The following DMGDH variants were observed in gnomAD, a reference collection of about 807,000 sequenced individuals.
The protein encoded by DMGDH is dimethylglycine dehydrogenase, also known as dimethylglycine dehydrogenase, mitochondrial.
DMGDH carries 76 observed loss-of-function variants against 95.2 expected under a neutral mutation model. The observed-to-expected ratio is 0.80, with a 90% CI of 0.66 to 0.97. DMGDH has a LOEUF of 0.97. Ranked by LOEUF, DMGDH falls within the 50% of genes least tolerant of loss-of-function variation. The pLI is 0.00. For missense variants in DMGDH, 987 were observed against 1,055.0 expected (o/e 0.94, Z 0.89); for synonymous variants, 345 against 377.6 (o/e 0.91, Z 1.00).
chr5:79,021,480 G>C, intron 14 of DMGDH: 1 of 1,247,882 alleles, frequency 8.0e-7, no homozygotes, highest in Non-Finnish European at 1.0e-6. Flanking sequence ...AAGGAGGCTG[G>C]AACAACTCCA....
intron 14 of DMGDH, among the ~76,000 whole-genome samples, chr5:79,016,704 A>G (rs1002813201): frequency 6.6e-6 from 1 of 152,210 alleles, no homozygotes; most frequent in African/African-American, 2.4e-5. Context: ...TGACAAGCTG[A>G]TTCTAAAATT....
chr5:79,067,126 G>A (rs1755403830), intron 1 of DMGDH, among the ~76,000 whole-genome samples: 1 of 152,186 alleles, frequency 6.6e-6, no homozygotes, highest in Admixed American at 6.5e-5. Context: ...TTGGCCAGCA[G>A]GAGGTTCTTT....
intron 4 of DMGDH, 122 bp from the exon 5 acceptor site, chr5:79,051,613 G>T: frequency 1.1e-6 from 1 of 921,538 alleles, no homozygotes; most frequent in Non-Finnish European, 1.7e-6. Context: ...GATCTGGAAA[G>T]TGACTGGGTC....
chr5:79,036,697 A>G (rs79976219), intron 7 of DMGDH, among the ~76,000 whole-genome samples: 3,048 of 152,280 alleles, frequency 0.02, 94 homozygotes, highest in African/African-American at 0.069. Context: ...AGAATTACAG[A>G]TATTATTATA....
intron 2 of DMGDH, among the ~76,000 whole-genome samples, chr5:79,059,456 A>G (rs767792789): frequency 4.6e-5 from 7 of 152,252 alleles, no homozygotes; most frequent in Non-Finnish European, 1.0e-4. Context: ...ACATTTGACT[A>G]TGACATTTCA....
intron 9 of DMGDH, 143 bp downstream of exon 9, chr5:79,032,544 A>C: frequency 5.0e-6 from 6 of 1,188,838 alleles, no homozygotes; most frequent in Non-Finnish European, 6.2e-6. Flanking sequence ...CACCACTGCC[A>C]GAGAGTAATT....
intron 7 of DMGDH, among the ~76,000 whole-genome samples, chr5:79,034,786 G>A (rs1253249092): frequency 6.6e-6 from 1 of 152,108 alleles, no homozygotes; most frequent in African/African-American, 2.4e-5. Flanking sequence ...GGCCGGGCGC[G>A]ATGTCTCACG....
intron 7 of DMGDH, among the ~76,000 whole-genome samples, chr5:79,038,331 A>G (rs1037405732): frequency 1.3e-5 from 2 of 152,116 alleles, no homozygotes; most frequent in Non-Finnish European, 1.5e-5. Flanking sequence ...TAAAAATACA[A>G]AAATTATCCA....
chr5:79,011,586 G>T (rs926876134), intron 14 of DMGDH, among the ~76,000 whole-genome samples: 1 of 152,216 alleles, frequency 6.6e-6, no homozygotes, highest in African/African-American at 2.4e-5. Context: ...AAAGAAAAGA[G>T]ATTTAATTGG....
At chr5:79,058,621 T>A (rs542708740) in intron 2 of DMGDH, among the ~76,000 whole-genome samples, 3 of 152,222 alleles carry the variant, frequency 2.0e-5, no homozygotes, top group African/African-American at 7.2e-5. Context: ...AGTTTAGCTG[T>A]CGTTTGGAAA....
intron 11 of DMGDH, among the ~76,000 whole-genome samples, chr5:79,029,277 TA>T (rs1185797980): frequency 1.3e-5 from 2 of 152,218 alleles, no homozygotes; most frequent in African/African-American, 4.8e-5. Flanking sequence ...TTGGAGCATA[TA>T]ATTTGCATCA....
At chr5:79,030,463 A>G (rs1423532438) in intron 10 of DMGDH, 1 of 265,100 alleles carries the variant, frequency 3.8e-6, no homozygotes, top group Non-Finnish European at 7.3e-6. Flanking sequence ...ACCAACATAT[A>G]GTGAAACCCT....
At chr5:79,032,957 A>G in intron 8 of DMGDH, 117 bp from the exon 9 acceptor site, 1 of 1,201,428 alleles carries the variant, frequency 8.3e-7, no homozygotes, top group Non-Finnish European at 1.2e-6. Flanking sequence ...ACATACATAC[A>G]TACATATATA....
intron 2 of DMGDH, among the ~76,000 whole-genome samples, chr5:79,056,577 G>A (rs747436109): frequency 1.3e-5 from 2 of 150,084 alleles, no homozygotes; most frequent in Non-Finnish European, 3.0e-5. Context: ...GGGGAGGCCA[G>A]GCGTGGTGGC....
At chr5:79,024,905 T>C (rs1753957759) in intron 13 of DMGDH, among the ~76,000 whole-genome samples, 1 of 152,240 alleles carries the variant, frequency 6.6e-6, no homozygotes, top group South Asian at 2.1e-4. Flanking sequence ...TTTTGTTTCT[T>C]TCTTCGTTTT....
chr5:79,030,414 G>A, intron 10 of DMGDH: 1 of 249,360 alleles, frequency 4.0e-6, no homozygotes, highest in Non-Finnish European at 7.8e-6. Context: ...CACTTTGGGA[G>A]GCTGAGGCGG....
intron 14 of DMGDH, 68 bp from the exon 15 acceptor site, chr5:79,005,475 C>G: frequency 6.2e-7 from 1 of 1,602,226 alleles, no homozygotes; most frequent in East Asian, 2.2e-5. Context: ...GAGATGCAAG[C>G]ATTTAAATTT....
At chr5:79,061,033 A>G (rs745708681) in intron 2 of DMGDH, among the ~76,000 whole-genome samples, 3 of 151,876 alleles carry the variant, frequency 2.0e-5, no homozygotes, top group Non-Finnish European at 4.4e-5. Flanking sequence ...ACCAGCCTGG[A>G]CAACGTAGGG....
intron 14 of DMGDH, among the ~76,000 whole-genome samples, chr5:79,006,535 A>C (rs1753549070): frequency 6.6e-6 from 1 of 152,206 alleles, no homozygotes; most frequent in African/African-American, 2.4e-5. Flanking sequence ...AAGGAAAGGA[A>C]ATTTGTGATA....
Sources: gnomAD v4.1 joint callset for allele counts (sites outside exome capture counted in the v4.1 genomes callset) on GRCh38, gnomAD v4.1.1 for gene constraint, MANE v1.5 for transcripts, NCBI Gene and HGNC (gene_info 2026-07-23, HGNC 2026-07-21) for gene names.